Variants in FOXK1 observed in about 807,000 individuals in gnomAD.
FOXK1 encodes forkhead box protein K1.
Under a neutral mutation model 51.9 loss-of-function variants are expected in FOXK1, and 19 were observed. The observed-to-expected ratio is 0.37, with a 90% CI of 0.26 to 0.54. The LOEUF (loss-of-function observed/expected upper bound fraction) is 0.54, where lower values mean the gene tolerates loss of function less well. FOXK1 is among the 20% of genes least tolerant of loss of function. The probability of loss-of-function intolerance (pLI) is 0.87; values close to 1 mark genes in which losing one functional copy is unlikely to be tolerated. For synonymous variants in FOXK1, 537 were observed against 482.6 expected, an observed-to-expected ratio of 1.11 and a Z score of -1.48; for missense variants, 870 against 1,032.7, an observed-to-expected ratio of 0.84 and a Z score of 2.16.
Position 4,768,154 on chromosome 7 carries a change from A to C in FOXK1, c.*5690A>C, listed in dbSNP as rs1781042747. The C allele has an allele frequency of 1.4e-5, 1 of 72,928 alleles. No homozygotes were observed. The highest frequency in any genetic ancestry group is 0.014 in the Middle Eastern group (1 of 70). 4.5% of individuals were successfully genotyped at this position (72,928 alleles called of 1,614,324 possible). A position where few individuals can be genotyped will look rare whatever the true frequency, so the allele number is the denominator to read the frequency against. On this transcript the variant is annotated 3_prime_UTR_variant, in exon 9 of 9. Transcript: ENST00000328914. ...TTTTTTTTTTTTTTTTTTTTTTGAG[A>C]CGGAGTCTCGCTCTGTCGCCCAGGC...
rs1780924423 is a variant in FOXK1, at chr7:4,761,021, C to G, written c.1697-43C>G. The G allele has an allele frequency of 6.4e-7, 1 of 1,572,074 alleles. No homozygotes were observed. The highest frequency in any genetic ancestry group is 8.7e-7 in the Non-Finnish European group (1 of 1,145,122). On this transcript the variant is annotated intron_variant, in intron 7 of 8. Coordinates refer to ENST00000328914, the MANE Select transcript of FOXK1 (RefSeq NM_001037165.2). This position sits in a 1 kb window ranked among gnomAD's most constrained non-coding sequence, Gnocchi z 6.2. ...CCCAGGCGTCGAGGAAATCGATTGT[C>G]TCGTTGGCCGAGTGTGGTGCTGACT...
At position 4,711,210 on chromosome 7, in the gene FOXK1, C is replaced by A. The variant is rs768288458; in HGVS notation, c.560+28342C>A. Among the ~76,000 whole-genome samples, 1 of 152,166 alleles carries A rather than the reference C, an allele frequency of 6.6e-6. No homozygotes were observed. Among genetic ancestry groups the A allele is most frequent in the Non-Finnish European group, 1.5e-5 (1 of 68,030 alleles). ...CATGTGCCCAGCTCTGTTCAGGAAG[C>A]GTTGTGCTGGTGTGCCCTCCTGGGT... On this transcript the variant is annotated intron_variant, in intron 1 of 8. Transcript: ENST00000328914. This position sits in a 1 kb window ranked among gnomAD's most constrained non-coding sequence, Gnocchi z 6.3.
At chr7:4,717,603 G>T (rs1780253174) in intron 1 of FOXK1, among the ~76,000 whole-genome samples, 1 of 152,124 alleles carries the variant, frequency 6.6e-6, no homozygotes, top group Non-Finnish European at 1.5e-5. Flanking sequence ...TAAGGCAAGT[G>T]TCTGTGAAGC....
At chr7:4,691,277 C>G (rs1202029273) in intron 1 of FOXK1, among the ~76,000 whole-genome samples, 1 of 152,190 alleles carries the variant, frequency 6.6e-6, no homozygotes, top group Non-Finnish European at 1.5e-5. Context: ...ATCATTAAAT[C>G]ATGAACTGCT....
intron 1 of FOXK1, among the ~76,000 whole-genome samples, chr7:4,686,288 C>A (rs904000887): frequency 6.6e-6 from 1 of 152,090 alleles, no homozygotes; most frequent in Non-Finnish European, 1.5e-5. Context: ...CTGTGTTGTC[C>A]GGGGCCACCC....
chr7:4,768,390 C>T lies in FOXK1; in HGVS notation c.*5926C>T, dbSNP rs1781048108. 1.3e-5 allele frequency: 2 copies of T among 151,894 alleles called. No individual in the cohort carries two copies. The highest frequency in any genetic ancestry group is 2.9e-5 in the Non-Finnish European group (2 of 68,050). The allele number at this position is 151,894 out of a possible 1,614,324, so 9.4% of individuals were successfully genotyped here. A position where few individuals can be genotyped will look rare whatever the true frequency, so the allele number is the denominator to read the frequency against. On this transcript the variant is annotated 3_prime_UTR_variant, in exon 9 of 9. Coordinates refer to ENST00000328914, the MANE Select transcript of FOXK1 (RefSeq NM_001037165.2). ...CTCGTGATCCGCCCGCCTCGGCCTC[C>T]CAAAGTGCTGGGATTACAGGCGTGA...
chr7:4,708,340 GC>G (rs1562374042), intron 1 of FOXK1, among the ~76,000 whole-genome samples: 1 of 152,096 alleles, frequency 6.6e-6, no homozygotes, highest in Non-Finnish European at 1.5e-5. Flanking sequence ...AAAACTGGAA[GC>G]CCCCGTGGAT....
chr7:4,755,615 G>A lies in FOXK1; in HGVS notation c.1050+232G>A, dbSNP rs545730874. Among the ~76,000 whole-genome samples the A allele has an allele frequency of 5.9e-5, 9 of 152,222 alleles. No homozygotes were observed. In the South Asian group the frequency reaches 1.7e-3, roughly 28 times the overall value. ...AGTGTGGTGGTGCACACCTGTGGTC[G>A]CAGCTACTCGGAGGCTGAGGTGGGA... On this transcript the variant is annotated intron_variant, in intron 4 of 8. Coordinates refer to ENST00000328914, the MANE Select transcript of FOXK1 (RefSeq NM_001037165.2). The surrounding 1 kb of genome is among the most constrained non-coding windows in gnomAD (Gnocchi z 6.6).
At chr7:4,689,787 G>A (rs146005848) in intron 1 of FOXK1, among the ~76,000 whole-genome samples, 239 of 152,310 alleles carry the variant, frequency 1.6e-3, no homozygotes, top group Non-Finnish European at 2.8e-3. Flanking sequence ...GCCCCACTAC[G>A]TGGCATCAAG....
chr7:4,728,115 C>T (rs556027094), intron 1 of FOXK1, among the ~76,000 whole-genome samples: 5 of 152,308 alleles, frequency 3.3e-5, no homozygotes, highest in African/African-American at 1.2e-4. Flanking sequence ...CAGCCGGGAC[C>T]GGCTCACAAG....
Position 4,741,032 on chromosome 7 carries a change from C to A in FOXK1, c.746+9C>A. 6.7e-7 allele frequency: 1 copy of A among 1,496,540 alleles called. No individual in the cohort carries two copies. Among genetic ancestry groups the A allele is most frequent in the Non-Finnish European group, 8.9e-7 (1 of 1,128,152 alleles). 92.7% of individuals were successfully genotyped at this position (1,496,540 alleles called of 1,614,324 possible). On this transcript the variant is annotated intron_variant, in intron 2 of 8. Transcript: ENST00000328914. ...CCGACGGGCACCATCAGGTGAGTAG[C>A]CCCCCAGCCTGCCCTTGGGCCCCCA...
intron 1 of FOXK1, among the ~76,000 whole-genome samples, chr7:4,740,205 C>T (rs1248848105): frequency 2.6e-5 from 4 of 151,788 alleles, no homozygotes; most frequent in Non-Finnish European, 4.4e-5. Context: ...TCAAGGCAGG[C>T]GGATTACGAG....
In FOXK1 at chr7:4,734,451, G is replaced by C. The variant is rs1780524246; in HGVS notation, c.561-6387G>C. 6.6e-6 allele frequency among the ~76,000 whole-genome samples: 1 copy of C among 152,182 alleles called. No individual in the cohort carries two copies. Among genetic ancestry groups the C allele is most frequent in the African/African-American group, 2.4e-5 (1 of 41,446 alleles). On this transcript the variant is annotated intron_variant, in intron 1 of 8. Transcript: ENST00000328914. The surrounding 1 kb of genome is among the most constrained non-coding windows in gnomAD (Gnocchi z 5.2). ...GCTCTGTGGCTTCCACCACTCCCCA[G>C]ATCGTCTGCTTCCTCCTTGCCCCTC...
chr7:4,755,969 T>C lies in FOXK1; in HGVS notation c.1050+586T>C, dbSNP rs73674092. Among the ~76,000 whole-genome samples, 14,980 of 152,218 alleles carry C rather than the reference T, an allele frequency of 0.098. 966 individuals are homozygous for C. Among genetic ancestry groups the C allele is most frequent in the South Asian group, 0.21 (1,030 of 4,832 alleles). On this transcript the variant is annotated intron_variant, in intron 4 of 8. Coordinates refer to ENST00000328914, the MANE Select transcript of FOXK1 (RefSeq NM_001037165.2). This position sits in a 1 kb window ranked among gnomAD's most constrained non-coding sequence, Gnocchi z 6.6. ...CACGTTAAGTTGGAAAAATGTACCA[T>C]ATACTGTTATTCAAACAATCCACAT...
In FOXK1 at chr7:4,756,846, C is replaced by T. The variant is rs929019582; in HGVS notation, c.1051-148C>T. The T allele has an allele frequency of 2.7e-6, 2 of 753,660 alleles. No individual in the cohort carries two copies. The highest frequency in any genetic ancestry group is 1.8e-5 in the South Asian group (1 of 54,938). 46.7% of individuals were successfully genotyped at this position (753,660 alleles called of 1,614,324 possible). On this transcript the variant is annotated intron_variant, in intron 4 of 8. Transcript: ENST00000328914. The surrounding 1 kb of genome is among the most constrained non-coding windows in gnomAD (Gnocchi z 4.1). ...CTGCCCTGTGCCTCGGTGCTGCTCC[C>T]GTGAGGCCCAGCCAGCACAGCACCA... is the stretch of plus-strand genomic sequence containing the variant.
intron 2 of FOXK1, among the ~76,000 whole-genome samples, chr7:4,742,908 G>A (rs1184229956): frequency 1.3e-5 from 2 of 152,214 alleles, no homozygotes; most frequent in African/African-American, 4.8e-5. Flanking sequence ...CAGAGCCAGT[G>A]GGTGGGAGTG....
chr7:4,709,664 A>G lies in FOXK1; in HGVS notation c.560+26796A>G, dbSNP rs1465175602. 5.3e-5 allele frequency among the ~76,000 whole-genome samples: 8 copies of G among 152,236 alleles called. No individual in the cohort carries two copies. Among genetic ancestry groups the G allele is most frequent in the Non-Finnish European group, 8.8e-5 (6 of 68,042 alleles). On this transcript the variant is annotated intron_variant, in intron 1 of 8. Coordinates refer to ENST00000328914, the MANE Select transcript of FOXK1 (RefSeq NM_001037165.2). The surrounding 1 kb of genome is among the most constrained non-coding windows in gnomAD (Gnocchi z 5.6). ...TCATGAACTGGTTTTGCCGCAGTAA[A>G]GCGTAATTCACATGATACAAAACGT...
chr7:4,684,397 A>ATATCG (rs1180274500), intron 1 of FOXK1, among the ~76,000 whole-genome samples: 1 of 152,172 alleles, frequency 6.6e-6, no homozygotes, highest in Non-Finnish European at 1.5e-5. Context: ...TTGGTTACAG[A>ATATCG]TATCGCATTG....
intron 1 of FOXK1, among the ~76,000 whole-genome samples, chr7:4,719,564 C>T (rs532732037): frequency 2.5e-3 from 378 of 152,288 alleles, no homozygotes; most frequent in African/African-American, 9.0e-3. Flanking sequence ...TCACTGCAAC[C>T]TTTGCCTCCT....
Sources: allele counts gnomAD v4.1 joint callset (sites outside exome capture counted in the v4.1 genomes callset), GRCh38; gene constraint gnomAD v4.1.1; non-coding constraint Gnocchi (gnomAD v3.1); transcripts MANE v1.5; gene names NCBI Gene and HGNC (gene_info 2026-07-23, HGNC 2026-07-21).